ODF2L: variants seen among roughly 807,000 people sequenced by gnomAD.
The protein encoded by ODF2L is outer dense fiber of sperm tails 2 like.
In ODF2L, 76 loss-of-function variants were observed where a neutral mutation model predicts 86.3. That is an observed-to-expected ratio of 0.88 (90% CI 0.73 to 1.07). The LOEUF (loss-of-function observed/expected upper bound fraction) is 1.07, where lower values mean the gene tolerates loss of function less well. ODF2L is among the 50% of genes least tolerant of loss of function. The probability of loss-of-function intolerance (pLI) is 0.00; values close to 1 mark genes in which losing one functional copy is unlikely to be tolerated. For synonymous variants in ODF2L, 241 were observed against 231.3 expected (o/e 1.04, Z -0.38); for missense variants, 748 against 717.4 (o/e 1.04, Z -0.49).
exon 17 of ODF2L, chr1:86,352,865 C>A: frequency 1.3e-6 from 2 of 1,521,236 alleles, no homozygotes; most frequent in South Asian, 2.3e-5. Flanking sequence ...TTACACTGTT[C>A]ATTTTGCAAA....
intron 7 of ODF2L, 126 bp from the exon 8 acceptor site, chr1:86,376,544 T>C (rs1406767853): frequency 1.9e-6 from 1 of 521,988 alleles, no homozygotes; most frequent in East Asian, 2.9e-5. Flanking sequence ...CATAAAGAAA[T>C]ACCCTAGACT....
At chr1:86,363,951 A>G (rs1040631417) in intron 11 of ODF2L, among the ~76,000 whole-genome samples, 1 of 152,104 alleles carries the variant, frequency 6.6e-6, no homozygotes, top group African/African-American at 2.4e-5. Context: ...AATAAAACAC[A>G]AACATCTAGG....
At chr1:86,352,136 T>C (rs1658178922) in exon 18 of ODF2L, 1 of 1,488,364 alleles carries the variant, frequency 6.7e-7, no homozygotes, top group Non-Finnish European at 8.9e-7. Flanking sequence ...CATTTAACTC[T>C]TGAATCTTTT....
At position 86,382,229 on chromosome 1, in the gene ODF2L, A is replaced by T. The variant is rs1660634820; in HGVS notation, c.624+13T>A. ...ACTTAAGCTATAAAAATGGATATAT[A>T]TTTATATATAACCTTTACATATTCT... On this transcript the variant is annotated intron_variant, in intron 7 of 17. Coordinates refer to ENST00000317336, the Ensembl canonical transcript of ODF2L. The T allele has an allele frequency of 1.9e-6, 3 of 1,575,866 alleles. No homozygotes were observed. Among genetic ancestry groups the T allele is most frequent in the Admixed American group, 1.8e-5 (1 of 54,824 alleles).
chr1:86,382,110 T>C, intron 7 of ODF2L, 132 bp downstream of exon 7: 3 of 1,225,818 alleles, frequency 2.4e-6, no homozygotes, highest in Non-Finnish European at 3.1e-6. Context: ...AAGATTTACC[T>C]TAAATATGTA....
chr1:86,370,129 A>G (rs1404924036), intron 10 of ODF2L, among the ~76,000 whole-genome samples: 1 of 148,764 alleles, frequency 6.7e-6, no homozygotes, highest in Non-Finnish European at 1.5e-5. Context: ...TTAAATCAAG[A>G]AAAAAAAAAG....
intron 1 of ODF2L, among the ~76,000 whole-genome samples, chr1:86,392,020 G>C (rs1025892931): frequency 3.3e-5 from 5 of 152,046 alleles, no homozygotes; most frequent in Non-Finnish European, 7.4e-5. Flanking sequence ...CCATCAAAAA[G>C]TGGGCTAAGG....
At chr1:86,382,247 C>A in exon 7 of ODF2L, 1 of 1,608,180 alleles carries the variant, frequency 6.2e-7, no homozygotes. Flanking sequence ...ATAACCTTTA[C>A]ATATTCTTTC....
At chr1:86,390,887 C>CAA (rs2101558943) in intron 1 of ODF2L, among the ~76,000 whole-genome samples, 1 of 152,270 alleles carries the variant, frequency 6.6e-6, no homozygotes, top group Non-Finnish European at 1.5e-5. Context: ...AACAGGAAGT[C>CAA]AAACCGTTGC....
exon 18 of ODF2L, chr1:86,351,219 G>A (rs1289086794): frequency 6.6e-6 from 1 of 152,158 alleles, no homozygotes; most frequent in East Asian, 1.9e-4. Flanking sequence ...GGTTTTTATG[G>A]TTTTAGGTCT....
exon 14 of ODF2L, chr1:86,356,470 G>T: frequency 6.2e-7 from 1 of 1,613,374 alleles, no homozygotes; most frequent in Non-Finnish European, 8.5e-7. Flanking sequence ...CTAATGGTGT[G>T]TTCCTGGTCT....
intron 10 of ODF2L, chr1:86,368,831 A>C: frequency 1.1e-6 from 1 of 908,758 alleles, no homozygotes; most frequent in Admixed American, 4.0e-5. Flanking sequence ...CAAATAGGGA[A>C]TCACCTAACA....
chr1:86,382,444 A>G (rs1316036119), intron 6 of ODF2L, 86 bp from the exon 7 acceptor site: 1 of 1,565,120 alleles, frequency 6.4e-7, no homozygotes, highest in East Asian at 2.3e-5. Flanking sequence ...ACCCTGATTT[A>G]GGCACAATCT....
intron 8 of ODF2L, among the ~76,000 whole-genome samples, chr1:86,375,971 T>C (rs1477717557): frequency 6.6e-6 from 1 of 152,178 alleles, no homozygotes; most frequent in Non-Finnish European, 1.5e-5. Context: ...AGAACCTTTT[T>C]TTGTGTGTGG....
intron 9 of ODF2L, among the ~76,000 whole-genome samples, chr1:86,371,392 C>T (rs1478793277): frequency 6.6e-6 from 1 of 152,170 alleles, no homozygotes; most frequent in Non-Finnish European, 1.5e-5. Context: ...AAAAATTATA[C>T]AACATGCTCT....
At chr1:86,370,557 AAT>A (rs1210898679) in intron 10 of ODF2L, among the ~76,000 whole-genome samples, 1 of 152,106 alleles carries the variant, frequency 6.6e-6, no homozygotes, top group Non-Finnish European at 1.5e-5. Flanking sequence ...TGAGAACTCA[AAT>A]ATCTTTTTTT....
At chr1:86,386,848 T>C (rs911616877) in intron 2 of ODF2L, 67 bp downstream of exon 2, 4 of 759,288 alleles carry the variant, frequency 5.3e-6, no homozygotes, top group South Asian at 3.4e-5. Context: ...AAATAATTTA[T>C]ATTATAGACA....
At chr1:86,371,579 G>A (rs1277031877) in intron 9 of ODF2L, among the ~76,000 whole-genome samples, 1 of 152,060 alleles carries the variant, frequency 6.6e-6, no homozygotes, top group African/African-American at 2.4e-5. Context: ...AGTTTTCAAT[G>A]ACAAAACTGA....
rs1437218624 is a variant in ODF2L, at chr1:86,386,801, G to T, written c.113+114C>A. On this transcript the variant is annotated intron_variant, in intron 2 of 17. Coordinates refer to ENST00000317336, the Ensembl canonical transcript of ODF2L. Reference sequence around the variant, plus strand: ...ATTTTAATAAATAAATACTAGATTTGGAAAAGATACTCTTAAAAGAATGCT... The same window carrying T: ...ATTTTAATAAATAAATACTAGATTTTGAAAAGATACTCTTAAAAGAATGCT... The T allele has an allele frequency of 1.5e-5, 8 of 542,158 alleles. No homozygotes were observed. In the East Asian group the frequency reaches 2.5e-4, roughly 17 times the overall value. 33.6% of individuals were successfully genotyped at this position (542,158 alleles called of 1,614,324 possible). A position where few individuals can be genotyped will look rare whatever the true frequency, so the allele number is the denominator to read the frequency against.
Sources: gnomAD v4.1 joint callset for allele counts (sites outside exome capture counted in the v4.1 genomes callset) on GRCh38, gnomAD v4.1.1 for gene constraint, MANE v1.5 for transcripts, NCBI Gene and HGNC (gene_info 2026-07-23, HGNC 2026-07-21) for gene names.